PIK3IP1: variants seen among roughly 807,000 people sequenced by gnomAD.
The protein encoded by PIK3IP1 is phosphoinositide-3-kinase-interacting protein 1.
In PIK3IP1, 28 loss-of-function variants were observed where a neutral mutation model predicts 30.7. The observed-to-expected ratio is 0.91, with a 90% CI of 0.68 to 1.25. The LOEUF (loss-of-function observed/expected upper bound fraction) is 1.25. Ranked by LOEUF, PIK3IP1 falls within the 50% of genes most tolerant of loss-of-function variation. The pLI, the probability that PIK3IP1 is intolerant of heterozygous loss-of-function variation, is 0.00. For synonymous variants in PIK3IP1, 159 were observed against 140.8 expected (o/e 1.13, Z -0.91); for missense variants, 333 against 346.2 (o/e 0.96, Z 0.30).
At chr22:31,287,773 T>A (rs890252229) in intron 5 of PIK3IP1, among the ~76,000 whole-genome samples, 11 of 152,094 alleles carry the variant, frequency 7.2e-5, no homozygotes, top group Admixed American at 5.2e-4. Context: ...GTCACAGAGA[T>A]AGCTAGTTAA....
At chr22:31,291,786 CCTT>C (rs2049181878) in intron 1 of PIK3IP1, among the ~76,000 whole-genome samples, 1 of 99,454 alleles carries the variant, frequency 1.0e-5, no homozygotes, top group Admixed American at 1.0e-4. Context: ...GATACGGCCA[CCTT>C]CTGCCCGTTT....
intron 5 of PIK3IP1, among the ~76,000 whole-genome samples, chr22:31,288,526 G>A (rs957734427): frequency 9.2e-5 from 14 of 152,164 alleles, no homozygotes; most frequent in Non-Finnish European, 2.1e-4. Flanking sequence ...AGACACCCAG[G>A]GCTAGAAGTC....
In PIK3IP1 at chr22:31,282,750, T is replaced by C; in HGVS notation, c.*334A>G. On this transcript the variant is annotated 3_prime_UTR_variant, in exon 6 of 6. Coordinates refer to ENST00000215912, the MANE Select transcript of PIK3IP1 (RefSeq NM_052880.5). Reference sequence around the variant, plus strand: ...CATCTTAGTAAAGCACAGAGGAGCCTGGGGGAGCTCCCCGTCTATCCCTGG... The same window carrying C: ...CATCTTAGTAAAGCACAGAGGAGCCCGGGGGAGCTCCCCGTCTATCCCTGG... 3.4e-6 allele frequency: 1 copy of C among 292,458 alleles called. No individual in the cohort carries two copies. The highest frequency in any genetic ancestry group is 2.1e-5 in the African/African-American group (1 of 47,412). 18.1% of individuals were successfully genotyped at this position (292,458 alleles called of 1,614,324 possible).
chr22:31,286,971 T>C (rs2123887813), intron 5 of PIK3IP1, among the ~76,000 whole-genome samples: 1 of 152,014 alleles, frequency 6.6e-6, no homozygotes, highest in East Asian at 1.9e-4. Flanking sequence ...GGACCTCTGC[T>C]TCCTGCATCA....
chr22:31,291,268 G>A lies in PIK3IP1; in HGVS notation c.99C>T (p.Tyr33=), dbSNP rs1040951143. The change falls in exon 2 of 6, where the codon TAC becomes TAT. Residue 33 remains tyrosine, a synonymous_variant. Transcript: ENST00000215912. ...GGCFWDNGHL[Y]REDQTSPAPG... ...GCGCGGGGGAGGTCTGGTCCTCCCG[G>A]TACAGGTGGCCGTTGTCCCAGAAAC... The A allele has an allele frequency of 6.5e-5, 101 of 1,555,484 alleles. 3 individuals carry two copies. In the Admixed American group the frequency reaches 2.0e-3, roughly 30 times the overall value.
chr22:31,282,988 T>G lies in PIK3IP1; in HGVS notation c.*96A>C, dbSNP rs1601457367. ...CCAAAAAAGCGGGGGAGTGGTAGGG[T>G]TTTAACCAGAACACAAAGTGGTAGT... On this transcript the variant is annotated 3_prime_UTR_variant, in exon 6 of 6. Transcript: ENST00000215912. The G allele has an allele frequency of 3.0e-6, 3 of 986,384 alleles. No homozygotes were observed. Among genetic ancestry groups the G allele is most frequent in the Admixed American group, 2.4e-5 (1 of 41,464 alleles). 61.1% of individuals were successfully genotyped at this position (986,384 alleles called of 1,614,324 possible). A position where few individuals can be genotyped will look rare whatever the true frequency, so the allele number is the denominator to read the frequency against.
chr22:31,290,653 C>G, intron 3 of PIK3IP1: 1 of 331,442 alleles, frequency 3.0e-6, no homozygotes, highest in South Asian at 5.1e-5. Flanking sequence ...ACTGCAGACG[C>G]TCCGCAAACG....
chr22:31,290,768 G>T, intron 3 of PIK3IP1, 197 bp downstream of exon 3: 1 of 750,618 alleles, frequency 1.3e-6, no homozygotes, highest in Non-Finnish European at 2.0e-6. Context: ...AGCGCTCGCG[G>T]CGGATGAGCT....
chr22:31,287,014 CT>C (rs11427273), intron 5 of PIK3IP1, among the ~76,000 whole-genome samples: 3,437 of 98,654 alleles, frequency 0.035, 108 homozygotes, highest in East Asian at 0.27. Flanking sequence ...CCATTACCCA[CT>C]TTTTTTTTTT....
chr22:31,290,925 A>T, intron 3 of PIK3IP1, 40 bp downstream of exon 3: 1 of 1,533,668 alleles, frequency 6.5e-7, no homozygotes, highest in Non-Finnish European at 8.7e-7. Flanking sequence ...GCTTCCTGTC[A>T]GCGCCAGGAG....
chr22:31,292,302 G>T lies in PIK3IP1; in HGVS notation c.43C>A (p.Leu15Ile). The T allele has an allele frequency of 6.2e-7, 1 of 1,614,182 alleles. No individual in the cohort carries two copies. Among genetic ancestry groups the T allele is most frequent in the African/African-American group, 1.3e-5 (1 of 75,052 alleles). Residue 15 changes from leucine to isoleucine, a missense_variant, in exon 1 of 6, where the codon CTC (leucine) becomes ATC (isoleucine). Transcript: ENST00000215912. ...WVQAFLVSNM[L>I]LAEAYGSGGC... Reference sequence around the variant, plus strand: ...CCAGATCCATAGGCTTCTGCTAGGAGCATGTTGCTGACGAGGAATGCTTGT... The same window carrying T: ...CCAGATCCATAGGCTTCTGCTAGGATCATGTTGCTGACGAGGAATGCTTGT...
At position 31,291,255 on chromosome 22, in the gene PIK3IP1, T is replaced by C; in HGVS notation, c.112A>G (p.Thr38Ala). 6.4e-7 allele frequency: 1 copy of C among 1,552,422 alleles called. No homozygotes were observed. Among genetic ancestry groups the C allele is most frequent in the Middle Eastern group, 1.7e-4 (1 of 5,962 alleles). ...DNGHLYREDQ[T>A]SPAPGLRCLN... The stretch of plus-strand genomic sequence containing the variant: ...CAGCGGAGGCCCGGCGCGGGGGAGG[T>C]CTGGTCCTCCCGGTACAGGTGGCCG... Residue 38 changes from threonine to alanine, a missense_variant, in exon 2 of 6, where the codon ACC becomes GCC. Transcript: ENST00000215912.
At position 31,281,599 on chromosome 22, in the gene PIK3IP1, CTT is replaced by C. The variant is rs11301764; in HGVS notation, c.*1483_*1484del. On this transcript the variant is annotated 3_prime_UTR_variant, in exon 6 of 6. Transcript: ENST00000215912. ...CCTCAAAAACTTGGCAATGTGGAGTCTTTTTTTTTTTTTAATTAAGTCAAATG... is the reference window on the plus strand; with the variant it reads ...CCTCAAAAACTTGGCAATGTGGAGTCTTTTTTTTTTTAATTAAGTCAAATG... The C allele has an allele frequency of 5.4e-4, 80 of 147,528 alleles. No individual in the cohort carries two copies. The highest frequency in any genetic ancestry group is 7.2e-4 in the Non-Finnish European group (48 of 66,838). 9.1% of individuals were successfully genotyped at this position (147,528 alleles called of 1,614,324 possible). A position where few individuals can be genotyped will look rare whatever the true frequency, so the allele number is the denominator to read the frequency against.
chr22:31,288,071 T>A (rs1197829042), intron 5 of PIK3IP1, among the ~76,000 whole-genome samples: 1 of 152,134 alleles, frequency 6.6e-6, no homozygotes, highest in Non-Finnish European at 1.5e-5. Flanking sequence ...GGCTCAGACA[T>A]GGCCCTCATC....
In PIK3IP1 at chr22:31,289,698, C is replaced by G; in HGVS notation, c.309G>C (p.Glu103Asp). 2.6e-6 allele frequency: 4 copies of G among 1,552,056 alleles called. No individual in the cohort carries two copies. Among genetic ancestry groups the G allele is most frequent in the Non-Finnish European group, 3.5e-6 (4 of 1,147,126 alleles). Reference sequence around the variant, plus strand: ...AGGCTGGCAGGGCCTGGGAGGTGGTCTCTGGAGATGAGGTGGGAAACAGCT... The same window carrying G: ...AGGCTGGCAGGGCCTGGGAGGTGGTGTCTGGAGATGAGGTGGGAAACAGCT... ...KRPCEDLRCP[E>D]TTSQALPAFT... The change falls in exon 4 of 6, where the codon GAG becomes GAC. Residue 103 changes from glutamate (E) to aspartate (D), a missense_variant and splice_region_variant. Physicochemically the swap from Glu to Asp is conservative, Grantham distance 45. This residue lies in a region of PIK3IP1 where 217 missense variants were observed against 227.7 expected (regional missense o/e 0.95). Transcript: ENST00000215912.
intron 5 of PIK3IP1, among the ~76,000 whole-genome samples, chr22:31,284,617 T>C (rs2049117875): frequency 6.6e-6 from 1 of 151,902 alleles, no homozygotes. Context: ...GGGTAGGGGG[T>C]GGTTAGCCTG....
rs1171753224 is a variant in PIK3IP1, at chr22:31,292,449, C to G, written c.-105G>C. ...TCCCAGCCTTGCAGTCAGACCTGCC[C>G]TTGTTATGCTGTTCTGGTAAACAGC... On this transcript the variant is annotated 5_prime_UTR_variant, in exon 1 of 6. Coordinates refer to ENST00000215912, the MANE Select transcript of PIK3IP1 (RefSeq NM_052880.5). 9.3e-6 allele frequency: 8 copies of G among 859,048 alleles called. No individual in the cohort carries two copies. Among genetic ancestry groups the G allele is most frequent in the African/African-American group, 5.0e-5 (3 of 60,020 alleles). 53.2% of individuals were successfully genotyped at this position (859,048 alleles called of 1,614,324 possible).
chr22:31,290,920 C>T, intron 3 of PIK3IP1, 45 bp downstream of exon 3: 1 of 1,531,454 alleles, frequency 6.5e-7, no homozygotes, highest in Non-Finnish European at 8.7e-7. Context: ...CAGCCGCTTC[C>T]TGTCAGCGCC....
At position 31,289,486 on chromosome 22, in the gene PIK3IP1, G is replaced by A. The variant is rs779145621; in HGVS notation, c.508+13C>T. On this transcript the variant is annotated intron_variant, in intron 4 of 5. Transcript: ENST00000215912. ...TGAATCCCAACGAGGGCAGGGGTGG[G>A]GGACCGTCATACCCAGAGTTCCCAG... 1.4e-5 allele frequency: 21 copies of A among 1,537,760 alleles called. No homozygotes were observed. In the South Asian group the frequency reaches 2.4e-4, roughly 18 times the overall value.
Sources: allele counts gnomAD v4.1 joint callset (sites outside exome capture counted in the v4.1 genomes callset), GRCh38; gene constraint gnomAD v4.1.1; regional missense constraint gnomAD v4.1.1; transcripts MANE v1.5; gene names NCBI Gene and HGNC (gene_info 2026-07-23, HGNC 2026-07-21).